LARS2: variants seen among roughly 807,000 people sequenced by gnomAD.
LARS2 encodes leucyl-tRNA synthetase 2, mitochondrial.
LARS2 carries 81 observed loss-of-function variants against 116.6 expected under a neutral mutation model. That is an observed-to-expected ratio of 0.69 (90% CI 0.58 to 0.84). LARS2 has a LOEUF of 0.84. Among genes scored for constraint, LARS2 ranks in the 40% least tolerant of loss-of-function variants. The pLI is 0.00. For synonymous variants in LARS2, 396 were observed against 407.2 expected (o/e 0.97, Z 0.33); for missense variants, 968 against 1,114.5 (o/e 0.87, Z 1.87).
At chr3:45,533,831 G>A (rs1470872147) in intron 20 of LARS2, among the ~76,000 whole-genome samples, 2 of 152,208 alleles carry the variant, frequency 1.3e-5, no homozygotes, top group African/African-American at 4.8e-5. Flanking sequence ...CTAAAGAAGT[G>A]TGGTAGAAAC....
At chr3:45,520,330 G>T in intron 19 of LARS2, 34 bp downstream of exon 19, 1 of 1,544,908 alleles carries the variant, frequency 6.5e-7, no homozygotes, top group Non-Finnish European at 9.0e-7. Flanking sequence ...TGGTAGCAGA[G>T]GAGGGAGGGA....
At chr3:45,448,879 AG>A (rs1294646480) in intron 7 of LARS2, among the ~76,000 whole-genome samples, 4 of 152,238 alleles carry the variant, frequency 2.6e-5, no homozygotes, top group African/African-American at 9.6e-5. Flanking sequence ...AACATGTCAC[AG>A]TGTTGCAGAG....
At chr3:45,490,536 C>CTTTT (rs1447151357) in intron 12 of LARS2, among the ~76,000 whole-genome samples, 1 of 152,172 alleles carries the variant, frequency 6.6e-6, no homozygotes, top group African/African-American at 2.4e-5. Flanking sequence ...TTCAGGAGAG[C>CTTTT]TTTTTATGAT....
In LARS2 at chr3:45,547,647, G is replaced by A. The variant is rs1054751497; in HGVS notation, c.*117G>A. The A allele has an allele frequency of 1.0e-6, 1 of 965,104 alleles. No individual in the cohort carries two copies. The highest frequency in any genetic ancestry group is 2.9e-4 in the Middle Eastern group (1 of 3,502). The allele number at this position is 965,104 out of a possible 1,614,324, so 59.8% of individuals were successfully genotyped here. A position where few individuals can be genotyped will look rare whatever the true frequency, so the allele number is the denominator to read the frequency against. On this transcript the variant is annotated 3_prime_UTR_variant, in exon 22 of 22. Coordinates refer to ENST00000645846, the MANE Select transcript of LARS2 (RefSeq NM_015340.4). ...GGAAAAGACAAATGTCTTGACTGTT[G>A]ACCTCGGTCCTGTGGCAGACTGCAG...
At chr3:45,486,127 A>G (rs926899475) in intron 11 of LARS2, among the ~76,000 whole-genome samples, 2 of 152,088 alleles carry the variant, frequency 1.3e-5, no homozygotes, top group African/African-American at 4.8e-5. Context: ...AGACTCATAG[A>G]ACCATCCCAG....
chr3:45,422,405 A>T (rs183230667), intron 6 of LARS2: 2 of 152,298 alleles, frequency 1.3e-5, no homozygotes, highest in East Asian at 1.9e-4. Context: ...TAGCATACAG[A>T]TATGTACTTA....
At chr3:45,432,587 G>T (rs1056787189) in intron 6 of LARS2, among the ~76,000 whole-genome samples, 3 of 151,782 alleles carry the variant, frequency 2.0e-5, no homozygotes, top group Non-Finnish European at 4.4e-5. Flanking sequence ...AATACCTAGA[G>T]ATGAATGAAA....
At chr3:45,466,169 A>G (rs573419452) in intron 8 of LARS2, among the ~76,000 whole-genome samples, 1 of 152,362 alleles carries the variant, frequency 6.6e-6, no homozygotes, top group South Asian at 2.1e-4. Flanking sequence ...GTTCCTTTTG[A>G]ACCCTGAGTG....
At chr3:45,536,958 C>T (rs1700716274) in intron 20 of LARS2, among the ~76,000 whole-genome samples, 1 of 151,930 alleles carries the variant, frequency 6.6e-6, no homozygotes, top group Non-Finnish European at 1.5e-5. Context: ...CTTTTTTTAA[C>T]AGAGATAGGG....
intron 12 of LARS2, among the ~76,000 whole-genome samples, chr3:45,490,894 T>G (rs1699903451): frequency 6.6e-6 from 1 of 152,242 alleles, no homozygotes; most frequent in Non-Finnish European, 1.5e-5. Flanking sequence ...TGTCCTGCTG[T>G]CTATAAAACG....
intron 9 of LARS2, 136 bp from the exon 10 acceptor site, chr3:45,476,332 A>G: frequency 2.2e-6 from 2 of 890,776 alleles, no homozygotes; most frequent in East Asian, 4.9e-5. Flanking sequence ...CTCAATCCCC[A>G]CACCCCTGGC....
chr3:45,476,345 A>G (rs1699608540), intron 9 of LARS2, 123 bp from the exon 10 acceptor site: 3 of 994,958 alleles, frequency 3.0e-6, no homozygotes, highest in Non-Finnish European at 4.7e-6. Flanking sequence ...CCCCTGGCCC[A>G]GTGGTCAGAG....
chr3:45,417,129 T>C (rs928244196), intron 4 of LARS2, among the ~76,000 whole-genome samples: 2 of 150,368 alleles, frequency 1.3e-5, no homozygotes, highest in Non-Finnish European at 3.0e-5. Flanking sequence ...GGAAAGCCTA[T>C]ACATTATGTG....
In LARS2 at chr3:45,529,426, G is replaced by A. The variant is rs546481095; in HGVS notation, c.2404+5318G>A. ...TAGCCGGGCGTGGTGGCGCATGCCTGTAATCCCAGCTACTCAGGAGGCTGA... is the reference window on the plus strand; with the variant it reads ...TAGCCGGGCGTGGTGGCGCATGCCTATAATCCCAGCTACTCAGGAGGCTGA... On this transcript the variant is annotated intron_variant, in intron 20 of 21. Coordinates refer to ENST00000645846, the MANE Select transcript of LARS2 (RefSeq NM_015340.4). 2.9e-3 allele frequency among the ~76,000 whole-genome samples: 442 copies of A among 151,920 alleles called. 1 individual carries two copies. Among genetic ancestry groups the A allele is most frequent in the African/African-American group, 0.01 (418 of 41,446 alleles).
rs780552213 is a variant in LARS2 at position 45,520,249 on chromosome 3, C to G, written c.2245C>G (p.Leu749Val). Reference sequence around the variant, plus strand: ...CACCCATTTCACAGAGGACTTCTCACTGAATTCTGCAATTTCTCAGCTGAT... The same window carrying G: ...CACCCATTTCACAGAGGACTTCTCAGTGAATTCTGCAATTTCTCAGCTGAT... ...VTTHFTEDFS[L>V]NSAISQLMGL... Residue 749 changes from leucine to valine, a missense_variant, in exon 19 of 22, where the codon CTG becomes GTG. Coordinates refer to ENST00000645846, the MANE Select transcript of LARS2 (RefSeq NM_015340.4). 10 of 1,613,496 alleles carry G rather than the reference C, an allele frequency of 6.2e-6. No individual in the cohort carries two copies. The highest frequency in any genetic ancestry group is 6.8e-6 in the Non-Finnish European group (8 of 1,179,476).
At chr3:45,418,261 G>C (rs1303515949) in intron 5 of LARS2, among the ~76,000 whole-genome samples, 1 of 152,210 alleles carries the variant, frequency 6.6e-6, no homozygotes, top group Non-Finnish European at 1.5e-5. Flanking sequence ...AGAGACAGAA[G>C]GGCAGTTCCA....
intron 20 of LARS2, among the ~76,000 whole-genome samples, chr3:45,536,353 TCCAC>T (rs1446463819): frequency 6.6e-6 from 1 of 152,164 alleles, no homozygotes; most frequent in Non-Finnish European, 1.5e-5. Context: ...AAGTGATACC[TCCAC>T]CTCAGCCTCT....
At chr3:45,485,582 GA>G in intron 10 of LARS2, 109 bp from the exon 11 acceptor site, 1 of 593,488 alleles carries the variant, frequency 1.7e-6, no homozygotes, top group Non-Finnish European at 3.0e-6. Context: ...ACAATTAGCA[GA>G]AAGCACAGAA....
chr3:45,497,310 A>G (rs1700030361), intron 14 of LARS2, among the ~76,000 whole-genome samples: 1 of 151,978 alleles, frequency 6.6e-6, no homozygotes, highest in Non-Finnish European at 1.5e-5. Flanking sequence ...CCCCAAAAAA[A>G]GAAACAAATT....
Sources: allele counts gnomAD v4.1 joint callset (sites outside exome capture counted in the v4.1 genomes callset), GRCh38; gene constraint gnomAD v4.1.1; transcripts MANE v1.5; gene names NCBI Gene and HGNC (gene_info 2026-07-23, HGNC 2026-07-21).